The following LRP1B variants were observed in gnomAD, a reference collection of about 807,000 sequenced individuals.
The protein encoded by LRP1B is low-density lipoprotein receptor-related protein 1B.
LRP1B carries 217 observed loss-of-function variants against 556.6 expected under a neutral mutation model. The observed-to-expected ratio is 0.39, with a 90% confidence interval of 0.35 to 0.44. The LOEUF (loss-of-function observed/expected upper bound fraction) is 0.44. Ranked by LOEUF, LRP1B falls within the 20% of genes least tolerant of loss-of-function variation. LRP1B has a pLI of 1.00. For synonymous variants in LRP1B, 2,047 were observed against 1,865.8 expected, an observed-to-expected ratio of 1.10 and a Z score of -2.50; for missense variants, 5,053 against 5,620.8, an observed-to-expected ratio of 0.90 and a Z score of 3.23.
intron 18 of LRP1B, among the ~76,000 whole-genome samples, chr2:140,968,419 CT>C (rs1480906758): frequency 6.6e-6 from 1 of 151,146 alleles, no homozygotes; most frequent in African/African-American, 2.4e-5. Context: ...ATTCTTCTCT[CT>C]TTTCTTATTA....
intron 84 of LRP1B, among the ~76,000 whole-genome samples, chr2:140,276,214 C>A (rs933734617): frequency 6.6e-6 from 1 of 151,870 alleles, no homozygotes; most frequent in African/African-American, 2.4e-5. Context: ...ATTTATAATT[C>A]TCATGTTTAT....
chr2:141,070,602 C>T (rs541816636), intron 7 of LRP1B, among the ~76,000 whole-genome samples: 9 of 151,710 alleles, frequency 5.9e-5, no homozygotes, highest in East Asian at 5.8e-4. Context: ...ATTGATAGAC[C>T]ACTAGCAAGA....
At chr2:140,288,429 TTAG>T (rs746317227) in intron 84 of LRP1B, among the ~76,000 whole-genome samples, 93 of 151,962 alleles carry the variant, frequency 6.1e-4, no homozygotes, top group African/African-American at 2.2e-3. Flanking sequence ...CAAAGCATGT[TTAG>T]TAGTAGACAT....
intron 1 of LRP1B, among the ~76,000 whole-genome samples, chr2:142,103,292 T>A (rs1369873847): frequency 1.3e-5 from 2 of 151,968 alleles, no homozygotes; most frequent in African/African-American, 4.8e-5. Context: ...TAAACTTCTT[T>A]TCTTATTATG....
chr2:140,553,730 G>T lies in LRP1B; in HGVS notation c.7195-11759C>A, dbSNP rs192953169. ...AAGGATTTTTGGAGAGTATAGGGAC[G>T]CCATAAGTGATGGTAGAGGACCCTG... On this transcript the variant is annotated intron_variant, in intron 43 of 90. Transcript: ENST00000389484. 3.8e-3 allele frequency among the ~76,000 whole-genome samples: 574 copies of T among 152,116 alleles called. 4 individuals carry two copies. The highest frequency in any genetic ancestry group is 0.012 in the African/African-American group (484 of 41,534).
chr2:141,981,022 A>G (rs751152627), intron 1 of LRP1B, among the ~76,000 whole-genome samples: 33 of 152,134 alleles, frequency 2.2e-4, no homozygotes, highest in Non-Finnish European at 4.1e-4. Flanking sequence ...TATTTTATAA[A>G]ATAAAAGTTG....
intron 9 of LRP1B, 45 bp from the exon 10 acceptor site, chr2:141,055,304 A>T (rs2105456410): frequency 6.3e-7 from 1 of 1,578,046 alleles, no homozygotes; most frequent in Non-Finnish European, 8.6e-7. Flanking sequence ...AAGTTCAAAG[A>T]TAAGATAACT....
chr2:141,404,827 T>G (rs1331869936), intron 3 of LRP1B, among the ~76,000 whole-genome samples: 1 of 151,882 alleles, frequency 6.6e-6, no homozygotes, highest in East Asian at 1.9e-4. Context: ...CTGTGAGAAA[T>G]GGAAGCACCT....
chr2:140,982,224 G>A lies in LRP1B; in HGVS notation c.2823C>T (p.Pro941=), dbSNP rs2105343752. 6.2e-7 allele frequency: 1 copy of A among 1,613,302 alleles called. No homozygotes were observed. Among genetic ancestry groups the A allele is most frequent in the Non-Finnish European group, 8.5e-7 (1 of 1,179,556 alleles). The change falls in exon 18 of 91, where the codon CCC becomes CCT. Residue 941 remains proline (P), a synonymous_variant. Coordinates refer to ENST00000389484, the MANE Select transcript of LRP1B (RefSeq NM_018557.3). ...CTTCCCTGTCACACAGCCATGCTCT[G>A]GGAATGCAACGCCCATTTCCGCAAG... ...QFSCGNGRCI[P]RAWLCDREDD...
chr2:140,682,909 AAT>A (rs1685913735), intron 41 of LRP1B, among the ~76,000 whole-genome samples: 3 of 152,182 alleles, frequency 2.0e-5, no homozygotes, highest in African/African-American at 7.2e-5. Context: ...CATTTCAGAA[AAT>A]ATGAGCCTGA....
chr2:141,953,194 G>C (rs558758438), intron 1 of LRP1B, among the ~76,000 whole-genome samples: 4 of 152,088 alleles, frequency 2.6e-5, no homozygotes, highest in African/African-American at 9.6e-5. Context: ...ATGAGAGTCA[G>C]ATTTTGTAAT....
intron 2 of LRP1B, among the ~76,000 whole-genome samples, chr2:141,553,122 T>G (rs563735698): frequency 6.6e-5 from 10 of 152,014 alleles, no homozygotes; most frequent in African/African-American, 2.2e-4. Flanking sequence ...TAATGTAGAC[T>G]AATTCCCAAA....
intron 41 of LRP1B, among the ~76,000 whole-genome samples, chr2:140,628,084 T>G (rs1452190963): frequency 6.6e-6 from 1 of 152,170 alleles, no homozygotes; most frequent in African/African-American, 2.4e-5. Flanking sequence ...CCTTTGAAAG[T>G]GGATCCAGGA....
chr2:141,810,497 A>C (rs1696322141), intron 1 of LRP1B, 96 bp from the exon 2 acceptor site: 1 of 1,269,118 alleles, frequency 7.9e-7, no homozygotes, highest in South Asian at 1.4e-5. Context: ...AATACATAAA[A>C]GGTACATGAA....
At chr2:141,544,346 C>CTTCTTCTTCTTCTTCTTCTTCTTCTT (rs1685442842) in intron 2 of LRP1B, among the ~76,000 whole-genome samples, 12 of 84,944 alleles carry the variant, frequency 1.4e-4, no homozygotes, top group African/African-American at 5.2e-4. Flanking sequence ...TCTTCTTCTT[C>CTTCTTCTTCTTCTTCTTCTTCTTCTT]TTCTTCTTCT....
chr2:142,069,555 T>C (rs1705236150), intron 1 of LRP1B, among the ~76,000 whole-genome samples: 1 of 151,660 alleles, frequency 6.6e-6, no homozygotes, highest in South Asian at 2.1e-4. Context: ...CTTAATCTTT[T>C]ACTCAAGGAT....
chr2:140,256,380 C>G lies in LRP1B; in HGVS notation c.13248-9218G>C, dbSNP rs75821795. ...TAACCTTAGTCTCCCCCTTAAATCT[C>G]TCTTCTTTTACAGTTTTAATTTTTC... On this transcript the variant is annotated intron_variant, in intron 86 of 90. Transcript: ENST00000389484. 1.1e-4 allele frequency among the ~76,000 whole-genome samples: 17 copies of G among 148,042 alleles called. No homozygotes were observed. The East Asian group carries it at 3.2e-3, about 28-fold the overall frequency.
chr2:140,430,806 A>G (rs2105282851), intron 66 of LRP1B, among the ~76,000 whole-genome samples: 1 of 152,288 alleles, frequency 6.6e-6, no homozygotes, highest in Middle Eastern at 3.4e-3. Flanking sequence ...CCTCAAGGCA[A>G]TCAATTCTCA....
intron 7 of LRP1B, among the ~76,000 whole-genome samples, chr2:141,180,475 T>C (rs935171185): frequency 1.3e-5 from 2 of 151,990 alleles, no homozygotes; most frequent in African/African-American, 4.8e-5. Flanking sequence ...GCTTTCAAGG[T>C]CACTTGAGAC....
Sources: gnomAD v4.1 joint callset for allele counts (sites outside exome capture counted in the v4.1 genomes callset) on GRCh38, gnomAD v4.1.1 for gene constraint, MANE v1.5 for transcripts, NCBI Gene and HGNC (gene_info 2026-07-23, HGNC 2026-07-21) for gene names.